The following MAP3K7CL variants were observed in gnomAD, a reference collection of about 807,000 sequenced individuals.
MAP3K7CL encodes MAP3K7 C-terminal like.
A neutral mutation model predicts 18.6 loss-of-function variants in MAP3K7CL; 16 were observed. That is an observed-to-expected ratio of 0.86 (90% CI 0.58 to 1.31). The LOEUF (loss-of-function observed/expected upper bound fraction) is 1.31. Among genes scored for constraint, MAP3K7CL ranks in the 50% most tolerant of loss-of-function variants. MAP3K7CL has a pLI of 0.00. For synonymous variants in MAP3K7CL, 65 were observed against 66.8 expected (o/e 0.97, Z 0.13); for missense variants, 163 against 174.4 (o/e 0.93, Z 0.37).
chr21:29,077,262 G>C (rs757963579), upstream of MAP3K7CL, among the ~76,000 whole-genome samples: 1 of 152,256 alleles, frequency 6.6e-6, no homozygotes, highest in Non-Finnish European at 1.5e-5. Flanking sequence ...GCTCGTCGCG[G>C]AGGCTCGGGC....
At chr21:29,094,776 C>T (rs766161874) in intron 4 of MAP3K7CL, among the ~76,000 whole-genome samples, 3 of 152,048 alleles carry the variant, frequency 2.0e-5, no homozygotes, top group Non-Finnish European at 4.4e-5. Context: ...AGGATTCATG[C>T]GGGTATCTTT....
chr21:29,107,899 ATG>A (rs1480521769), intron 4 of MAP3K7CL, among the ~76,000 whole-genome samples: 10 of 152,224 alleles, frequency 6.6e-5, no homozygotes, highest in African/African-American at 2.4e-4. Context: ...TGACAACTCT[ATG>A]CAGTATGTCT....
intron 4 of MAP3K7CL, among the ~76,000 whole-genome samples, chr21:29,102,841 C>G (rs1460073136): frequency 1.3e-5 from 2 of 152,144 alleles, no homozygotes; most frequent in Non-Finnish European, 2.9e-5. Context: ...TGAGGGCACT[C>G]AAGCAACCCT....
At position 29,139,491 on chromosome 21, in the gene MAP3K7CL, CTT is replaced by C. The variant is rs561302789; in HGVS notation, c.70+6078_70+6079del. 86 of 152,310 alleles carry C rather than the reference CTT, an allele frequency of 5.6e-4. 1 individual carries two copies. The highest frequency in any genetic ancestry group is 1.9e-3 in the African/African-American group (79 of 41,562). The allele number at this position is 152,310 out of a possible 1,614,324, so 9.4% of individuals were successfully genotyped here. On this transcript the variant is annotated intron_variant, in intron 2 of 4. Coordinates refer to ENST00000399928, the MANE Select transcript of MAP3K7CL (RefSeq NM_001286620.2). The stretch of plus-strand genomic sequence containing the variant: ...AAGTAATCTTCGGATCTAGTAATCT[CTT>C]CTCTCCACACTTTTAATCATTGTTC...
chr21:29,137,613 G>C (rs2086914167), intron 2 of MAP3K7CL, among the ~76,000 whole-genome samples: 1 of 152,100 alleles, frequency 6.6e-6, no homozygotes, highest in African/African-American at 2.4e-5. Context: ...CAAAACTTAA[G>C]AGTCAGGAAG....
intron 2 of MAP3K7CL, among the ~76,000 whole-genome samples, chr21:29,148,523 C>CA (rs2087196575): frequency 6.6e-6 from 1 of 152,194 alleles, no homozygotes; most frequent in African/African-American, 2.4e-5. Context: ...TGCCTATTGC[C>CA]AACCAGTCAA....
At chr21:29,131,597 A>G (rs1367331957) in intron 1 of MAP3K7CL, 1 of 152,136 alleles carries the variant, frequency 6.6e-6, no homozygotes, top group South Asian at 2.1e-4. Context: ...TCATGTCACT[A>G]TTTCTTTCTA....
intron 4 of MAP3K7CL, among the ~76,000 whole-genome samples, chr21:29,098,053 T>A: frequency 6.6e-6 from 1 of 152,204 alleles, no homozygotes; most frequent in East Asian, 1.9e-4. Flanking sequence ...AAATTTAGTT[T>A]CTTGGTCATG....
intron 3 of MAP3K7CL, among the ~76,000 whole-genome samples, chr21:29,151,672 G>A (rs2087279148): frequency 6.6e-6 from 1 of 152,144 alleles, no homozygotes; most frequent in African/African-American, 2.4e-5. Flanking sequence ...TCAGGCTATT[G>A]TTCTCTCATC....
intron 1 of MAP3K7CL, among the ~76,000 whole-genome samples, chr21:29,087,528 G>A (rs1488852585): frequency 1.3e-5 from 2 of 150,974 alleles, no homozygotes; most frequent in Non-Finnish European, 2.9e-5. Flanking sequence ...GTCTTAGGTC[G>A]TATATCTCCT....
At chr21:29,085,750 ATGT>A, upstream of MAP3K7CL, 3 of 1,009,758 alleles carry the variant, frequency 3.0e-6, no homozygotes, top group Admixed American at 1.8e-5. Flanking sequence ...CATGGTTAGT[ATGT>A]TGTTTGAAGG....
intron 4 of MAP3K7CL, among the ~76,000 whole-genome samples, chr21:29,099,413 A>G (rs1398144726): frequency 1.3e-5 from 2 of 152,010 alleles, no homozygotes; most frequent in South Asian, 2.1e-4. Context: ...CTAAAATACT[A>G]GTTTTTGAAG....
chr21:29,149,142 C>T (rs1426869336), intron 2 of MAP3K7CL, 47 bp from the exon 3 acceptor site: 2 of 1,548,336 alleles, frequency 1.3e-6, no homozygotes, highest in South Asian at 1.1e-5. Flanking sequence ...AGGACTCCTA[C>T]AAGAAAGAGC....
At chr21:29,122,007 C>G (rs976826381) in intron 4 of MAP3K7CL, 1 of 152,084 alleles carries the variant, frequency 6.6e-6, no homozygotes, top group African/African-American at 2.4e-5. Flanking sequence ...GGAGGAGGAA[C>G]TCAAACCAAG....
At position 29,159,974 on chromosome 21, in the gene MAP3K7CL, A is replaced by G. The variant is rs748906010; in HGVS notation, c.166A>G (p.Met56Val). 3.1e-6 allele frequency: 5 copies of G among 1,613,996 alleles called. No individual in the cohort carries two copies. The highest frequency in any genetic ancestry group is 1.7e-5 in the Admixed American group (1 of 60,000). The change falls in exon 4 of 5, where the codon ATG becomes GTG. Residue 56 changes from methionine to valine, a missense_variant. Coordinates refer to ENST00000399928, the MANE Select transcript of MAP3K7CL (RefSeq NM_001286620.2). Reference sequence around the variant, plus strand: ...GCCTTGTCATGACTCCGAGGAATCCATGGAGGTGTTCAAACAGCACTGCCA... The same window carrying G: ...GCCTTGTCATGACTCCGAGGAATCCGTGGAGGTGTTCAAACAGCACTGCCA... Reference protein sequence around the residue: ...LPPCHDSEESMEVFKQHCQIA... With the variant: ...LPPCHDSEESVEVFKQHCQIA...
At chr21:29,119,662 C>CTTTTTTTTT (rs58443653) in intron 4 of MAP3K7CL, among the ~76,000 whole-genome samples, 1 of 135,116 alleles carries the variant, frequency 7.4e-6, no homozygotes, top group Non-Finnish European at 1.6e-5. Context: ...AATCCTAAAA[C>CTTTTTTTTT]TTTTTTTTTT....
At chr21:29,098,930 TC>T in intron 4 of MAP3K7CL, among the ~76,000 whole-genome samples, 1 of 152,318 alleles carries the variant, frequency 6.6e-6, no homozygotes, top group East Asian at 1.9e-4. Context: ...GTTGAAGGTC[TC>T]TATTCTTTTA....
chr21:29,124,375 AAAG>A (rs1449281622), intron 4 of MAP3K7CL, among the ~76,000 whole-genome samples: 8 of 151,688 alleles, frequency 5.3e-5, no homozygotes, highest in African/African-American at 1.9e-4. Flanking sequence ...AAAAAAAAAA[AAAG>A]AACACATGTG....
At chr21:29,139,808 C>T (rs1372061904) in intron 2 of MAP3K7CL, among the ~76,000 whole-genome samples, 1 of 151,486 alleles carries the variant, frequency 6.6e-6, no homozygotes. Flanking sequence ...TGTTCTCAAA[C>T]TCCTGATCTC....
Sources: gnomAD v4.1 joint callset for allele counts (sites outside exome capture counted in the v4.1 genomes callset) on GRCh38, gnomAD v4.1.1 for gene constraint, MANE v1.5 for transcripts, NCBI Gene and HGNC (gene_info 2026-07-23, HGNC 2026-07-21) for gene names.